Variants in RBMS3 observed in about 807,000 individuals in gnomAD.
RBMS3 encodes the protein RNA binding motif single stranded interacting protein 3, also known as RNA-binding motif, single-stranded-interacting protein 3.
Under a neutral mutation model 66.8 loss-of-function variants are expected in RBMS3, and 27 were observed. The ratio of observed to expected loss-of-function variants is 0.40; its 90% CI spans 0.30 to 0.56. RBMS3 has a LOEUF of 0.56. RBMS3 is among the 20% of genes least tolerant of loss of function. The pLI is 0.40. For missense variants in RBMS3, 513 were observed against 549.5 expected (o/e 0.93, Z 0.66); for synonymous variants, 188 against 183.0 (o/e 1.03, Z -0.22).
chr3:29,300,900 A>T (rs1049358329), intron 1 of RBMS3, among the ~76,000 whole-genome samples: 2 of 151,978 alleles, frequency 1.3e-5, no homozygotes, highest in African/African-American at 2.4e-5. Flanking sequence ...ACAAAAGGCA[A>T]TGAAACAGAA....
chr3:29,299,122 G>A (rs959952838), intron 1 of RBMS3, among the ~76,000 whole-genome samples: 1 of 151,886 alleles, frequency 6.6e-6, no homozygotes, highest in African/African-American at 2.4e-5. Context: ...AGACAGTCTT[G>A]GGCCAGGTTT....
chr3:29,456,999 T>C (rs939071337), intron 2 of RBMS3, among the ~76,000 whole-genome samples: 5 of 152,184 alleles, frequency 3.3e-5, no homozygotes, highest in Non-Finnish European at 5.9e-5. Flanking sequence ...ATGATGGTTA[T>C]GGTGAGCCAC....
At chr3:29,960,087 C>T (rs1323879876) in intron 12 of RBMS3, among the ~76,000 whole-genome samples, 2 of 152,164 alleles carry the variant, frequency 1.3e-5, no homozygotes, top group Non-Finnish European at 2.9e-5. Flanking sequence ...AAAGTCTCAT[C>T]AGAGACAAGG....
At chr3:29,605,924 C>A (rs533935836) in intron 4 of RBMS3, among the ~76,000 whole-genome samples, 15 of 150,306 alleles carry the variant, frequency 1.0e-4, no homozygotes, top group African/African-American at 3.4e-4. Flanking sequence ...GGTTTTCTTG[C>A]ATTTTCCCCT....
At chr3:29,406,868 G>A (rs573112618) in intron 1 of RBMS3, among the ~76,000 whole-genome samples, 1 of 152,020 alleles carries the variant, frequency 6.6e-6, no homozygotes, top group Non-Finnish European at 1.5e-5. Flanking sequence ...GTTAAAATAG[G>A]CAGAATTTTT....
intron 4 of RBMS3, among the ~76,000 whole-genome samples, chr3:29,606,014 T>C (rs1033435251): frequency 6.6e-6 from 1 of 151,498 alleles, no homozygotes; most frequent in Admixed American, 6.6e-5. Flanking sequence ...ATATATCTTA[T>C]GAGTTATACC....
chr3:29,832,749 A>T (rs985538545), intron 6 of RBMS3, among the ~76,000 whole-genome samples: 4 of 152,052 alleles, frequency 2.6e-5, no homozygotes, highest in Non-Finnish European at 5.9e-5. Context: ...GAGGCTATAG[A>T]CCCTACTAAC....
chr3:29,679,501 A>G (rs975333238), intron 4 of RBMS3, among the ~76,000 whole-genome samples: 1 of 152,150 alleles, frequency 6.6e-6, no homozygotes, highest in African/African-American at 2.4e-5. Flanking sequence ...TCAAGCATTT[A>G]ATTTGTAGCT....
At chr3:29,686,759 C>T (rs557235117) in intron 4 of RBMS3, among the ~76,000 whole-genome samples, 10 of 152,228 alleles carry the variant, frequency 6.6e-5, no homozygotes, top group South Asian at 2.1e-4. Context: ...CATTTTCATA[C>T]GTCTTTCCTT....
chr3:29,342,111 T>G (rs1327001758), intron 1 of RBMS3, among the ~76,000 whole-genome samples: 1 of 152,166 alleles, frequency 6.6e-6, no homozygotes, highest in Non-Finnish European at 1.5e-5. Context: ...AGGAGATATA[T>G]TTTTGAAGTA....
intron 4 of RBMS3, among the ~76,000 whole-genome samples, chr3:29,619,435 T>C (rs1176304487): frequency 6.6e-6 from 1 of 152,208 alleles, no homozygotes; most frequent in African/African-American, 2.4e-5. Flanking sequence ...AGCTTCTTTA[T>C]GGTGAGGACC....
Position 29,799,280 on chromosome 3 carries a change from C to G in RBMS3, c.637+36291C>G, listed in dbSNP as rs192068297. Among the ~76,000 whole-genome samples the G allele has an allele frequency of 4.6e-5, 7 of 152,278 alleles. No homozygotes were observed. The East Asian group carries it at 9.6e-4, about 21-fold the overall frequency. On this transcript the variant is annotated intron_variant, in intron 6 of 14. Transcript: ENST00000383767. ...TCATCAAAGTTTCCAAACTGTCAAG[C>G]CTTTCACTTTTTTCTGAGTTGTCTG...
intron 11 of RBMS3, among the ~76,000 whole-genome samples, chr3:29,942,549 A>C (rs963592290): frequency 6.6e-6 from 1 of 151,748 alleles, no homozygotes. Flanking sequence ...AAGAGAAAGA[A>C]AAAAGGAAGG....
At chr3:29,521,730 A>G (rs2044864352) in intron 3 of RBMS3, among the ~76,000 whole-genome samples, 1 of 152,192 alleles carries the variant, frequency 6.6e-6, no homozygotes, top group African/African-American at 2.4e-5. Flanking sequence ...ATGGAGTGCT[A>G]TCATTATCTT....
intron 4 of RBMS3, among the ~76,000 whole-genome samples, chr3:29,590,115 G>A (rs1456694669): frequency 6.6e-6 from 1 of 150,938 alleles, no homozygotes; most frequent in Admixed American, 6.6e-5. Context: ...CAAAAGTCAT[G>A]TTTCTTTTAG....
At chr3:29,951,378 ATG>A (rs1466171596) in intron 12 of RBMS3, among the ~76,000 whole-genome samples, 1 of 151,838 alleles carries the variant, frequency 6.6e-6, no homozygotes, top group Non-Finnish European at 1.5e-5. Context: ...CACAGGATGT[ATG>A]TGATTTCTGA....
intron 4 of RBMS3, among the ~76,000 whole-genome samples, chr3:29,592,599 G>T (rs1382135982): frequency 2.6e-5 from 4 of 152,250 alleles, no homozygotes; most frequent in Admixed American, 6.5e-5. Flanking sequence ...AGACAGTGTG[G>T]TGATTCCTCA....
At chr3:29,788,605 A>G (rs550206999) in intron 6 of RBMS3, among the ~76,000 whole-genome samples, 37 of 152,252 alleles carry the variant, frequency 2.4e-4, no homozygotes, top group Non-Finnish European at 5.1e-4. Context: ...ACATATGTAC[A>G]ATATTTTTTA....
At chr3:29,899,417 C>A (rs1410327886) in intron 9 of RBMS3, among the ~76,000 whole-genome samples, 2 of 151,682 alleles carry the variant, frequency 1.3e-5, no homozygotes, top group African/African-American at 4.8e-5. Flanking sequence ...CCTCCTAAAA[C>A]TTTAGCGTTC....
Sources: gnomAD v4.1 joint callset for allele counts (sites outside exome capture counted in the v4.1 genomes callset) on GRCh38, gnomAD v4.1.1 for gene constraint, MANE v1.5 for transcripts, NCBI Gene and HGNC (gene_info 2026-07-23, HGNC 2026-07-21) for gene names.